The following KCNIP2 variants were observed in gnomAD, a reference collection of about 807,000 sequenced individuals.
The protein encoded by KCNIP2 is potassium voltage-gated channel interacting protein 2.
Under a neutral mutation model 39.0 loss-of-function variants are expected in KCNIP2, and 19 were observed. The ratio of observed to expected loss-of-function variants is 0.49; its 90% confidence interval spans 0.34 to 0.71. The LOEUF (loss-of-function observed/expected upper bound fraction) is 0.71. KCNIP2 is among the 30% of genes least tolerant of loss of function. KCNIP2 has a pLI of 0.01. For synonymous variants in KCNIP2, 111 were observed against 131.2 expected (o/e 0.85, Z 1.05); for missense variants, 261 against 346.0 (o/e 0.75, Z 1.95).
intron 3 of KCNIP2, 121 bp downstream of exon 3, chr10:101,829,723 A>AACCC: frequency 3.3e-5 from 1 of 30,258 alleles, no homozygotes; most frequent in South Asian, 8.5e-4. Flanking sequence ...TCCAGACCCC[A>AACCC]CCCCCGGCCC....
At chr10:101,839,644 T>G in intron 1 of KCNIP2, 1 of 989,842 alleles carries the variant, frequency 1.0e-6, no homozygotes, top group South Asian at 1.3e-5. Flanking sequence ...GGGATGTTGC[T>G]CCCTCCATCT....
chr10:101,839,184 A>G (rs2066246913), intron 1 of KCNIP2, among the ~76,000 whole-genome samples: 2 of 152,178 alleles, frequency 1.3e-5, no homozygotes, highest in South Asian at 4.1e-4. Flanking sequence ...ACAACTTAGT[A>G]ATGCACAATC....
chr10:101,829,253 T>C, intron 3 of KCNIP2, 54 bp from the exon 4 acceptor site: 1 of 1,550,644 alleles, frequency 6.4e-7, no homozygotes. Context: ...GCGACCCCTC[T>C]TCAAATCACT....
At position 101,829,843 on chromosome 10, in the gene KCNIP2, C is replaced by A; in HGVS notation, c.223+1G>T. 1 of 1,471,576 alleles carries A rather than the reference C, an allele frequency of 6.8e-7. No individual in the cohort carries two copies. Among genetic ancestry groups the A allele is most frequent in the Non-Finnish European group, 8.9e-7 (1 of 1,118,860 alleles). The allele number at this position is 1,471,576 out of a possible 1,614,324, so 91.2% of individuals were successfully genotyped here. ...CCGCCCCCACCAGGAGCGTAAGTCA[C>A]CTGGGTCCAGCAGGCGGGGTCTGTG... On this transcript the variant is annotated splice_donor_variant, in intron 3 of 9. Coordinates refer to ENST00000356640, the MANE Select transcript of KCNIP2 (RefSeq NM_173191.3). LOFTEE classifies it high-confidence loss of function.
chr10:101,826,925 G>A lies in KCNIP2; in HGVS notation c.*428C>T, dbSNP rs1299715323. Reference sequence around the variant, plus strand: ...CCACAGGGCTCTCAATGGCTGGTCTGAGAAGCCAGCCAGTGCCAAGAATGG... The same window carrying A: ...CCACAGGGCTCTCAATGGCTGGTCTAAGAAGCCAGCCAGTGCCAAGAATGG... On this transcript the variant is annotated 3_prime_UTR_variant, in exon 10 of 10. Transcript: ENST00000356640. 1.3e-5 allele frequency: 2 copies of A among 159,510 alleles called. No individual in the cohort carries two copies. Among genetic ancestry groups the A allele is most frequent in the East Asian group, 1.8e-4 (1 of 5,426 alleles). 9.9% of individuals were successfully genotyped at this position (159,510 alleles called of 1,614,324 possible). A position where few individuals can be genotyped will look rare whatever the true frequency, so the allele number is the denominator to read the frequency against.
intron 1 of KCNIP2, among the ~76,000 whole-genome samples, chr10:101,833,294 C>G (rs1247431175): frequency 6.6e-6 from 1 of 152,110 alleles, no homozygotes; most frequent in Non-Finnish European, 1.5e-5. Context: ...CCCAATATTA[C>G]TCTCCCTACT....
intron 2 of KCNIP2, among the ~76,000 whole-genome samples, 181 bp downstream of exon 2, chr10:101,830,891 C>A (rs1323355319): frequency 4.0e-5 from 6 of 149,534 alleles, no homozygotes; most frequent in African/African-American, 1.5e-4. Context: ...CACACATACA[C>A]ACGCACAGGC....
Position 101,828,507 on chromosome 10 carries a change from C to A in KCNIP2, c.419-48G>T. On this transcript the variant is annotated intron_variant, in intron 5 of 9. Coordinates refer to ENST00000356640, the MANE Select transcript of KCNIP2 (RefSeq NM_173191.3). The surrounding 1 kb of genome is among the most constrained non-coding windows in gnomAD (Gnocchi z 6.6). ...TTGGCTTCCACACAGGAGAGGACTT[C>A]CTCCCTCTAAGGAGCTCCCCATACC... 1 of 1,606,282 alleles carries A rather than the reference C, an allele frequency of 6.2e-7. No homozygotes were observed. Among genetic ancestry groups the A allele is most frequent in the Non-Finnish European group, 8.5e-7 (1 of 1,173,844 alleles).
rs543601111 is a variant in KCNIP2, at chr10:101,839,665, C to T, written c.73+3831G>A. On this transcript the variant is annotated intron_variant, in intron 1 of 9. Coordinates refer to ENST00000356640, the MANE Select transcript of KCNIP2 (RefSeq NM_173191.3). ...TTGCTCCCTCCATCTATTTGAGGGG[C>T]CCTTCCCTCCCTACCTCTGCGGAGC... is the stretch of plus-strand genomic sequence containing the variant. 295 of 1,184,036 alleles carry T rather than the reference C, an allele frequency of 2.5e-4. 3 individuals carry two copies. In the South Asian group the frequency reaches 3.5e-3, roughly 14 times the overall value. 73.3% of individuals were successfully genotyped at this position (1,184,036 alleles called of 1,614,324 possible). A position where few individuals can be genotyped will look rare whatever the true frequency, so the allele number is the denominator to read the frequency against.
At chr10:101,841,797 G>A (rs965573530) in intron 1 of KCNIP2, among the ~76,000 whole-genome samples, 1 of 152,198 alleles carries the variant, frequency 6.6e-6, no homozygotes, top group African/African-American at 2.4e-5. Context: ...GTTTCACTAA[G>A]GGTGAGAACC....
rs958593495 is a variant in KCNIP2, at chr10:101,843,202, CACAG to C, written c.73+290_73+293del. Among the ~76,000 whole-genome samples the C allele has an allele frequency of 1.3e-5, 2 of 152,230 alleles. No individual in the cohort carries two copies. Among genetic ancestry groups the C allele is most frequent in the African/African-American group, 2.4e-5 (1 of 41,436 alleles). ...GTGCGCGCGCACACACACACACACACACAGAATGACAGGTGCTCACGCACGTAAC... is the reference window on the plus strand; with the variant it reads ...GTGCGCGCGCACACACACACACACACAATGACAGGTGCTCACGCACGTAAC... On this transcript the variant is annotated intron_variant, in intron 1 of 9. Transcript: ENST00000356640. This position sits in a 1 kb window ranked among gnomAD's most constrained non-coding sequence, Gnocchi z 6.7.
intron 1 of KCNIP2, among the ~76,000 whole-genome samples, chr10:101,841,320 G>C (rs1465202849): frequency 3.9e-5 from 6 of 152,212 alleles, no homozygotes; most frequent in Non-Finnish European, 8.8e-5. Flanking sequence ...GAAGCCTGGC[G>C]CGCGCTTCAG....
intron 1 of KCNIP2, among the ~76,000 whole-genome samples, chr10:101,841,175 G>A (rs2066326008): frequency 6.6e-6 from 1 of 152,214 alleles, no homozygotes; most frequent in South Asian, 2.1e-4. Context: ...GAAGTAAAAT[G>A]TTCGGAGGTA....
intron 1 of KCNIP2, among the ~76,000 whole-genome samples, chr10:101,837,172 C>T (rs1351086248): frequency 6.6e-6 from 1 of 152,142 alleles, no homozygotes; most frequent in African/African-American, 2.4e-5. Context: ...GGATACTTTA[C>T]ATGTAGTATC....
Position 101,828,442 on chromosome 10 carries a change from T to A in KCNIP2, c.436A>T (p.Thr146Ser). The change falls in exon 6 of 10, where the codon ACT becomes TCT. Residue 146 changes from threonine to serine, a missense_variant. Physicochemically the swap from Thr to Ser is moderately conservative, Grantham distance 58. Coordinates refer to ENST00000356640, the MANE Select transcript of KCNIP2 (RefSeq NM_173191.3). This position sits in a 1 kb window ranked among gnomAD's most constrained non-coding sequence, Gnocchi z 6.6. ...FPQGDSSTYA[T>S]FLFNAFDTNH... ...GTGTCAAAGGCATTGAAGAGAAAAG[T>A]GGCATAGGTGCTGGAGTCTGCAGGG... 1 of 1,614,034 alleles carries A rather than the reference T, an allele frequency of 6.2e-7. No individual in the cohort carries two copies. Among genetic ancestry groups the A allele is most frequent in the Non-Finnish European group, 8.5e-7 (1 of 1,180,004 alleles).
At chr10:101,834,140 T>A in intron 1 of KCNIP2, 1 of 396,174 alleles carries the variant, frequency 2.5e-6, no homozygotes, top group Middle Eastern at 6.3e-4. Flanking sequence ...ACCTCCCAGA[T>A]CCCTGTGCCA....
chr10:101,841,087 C>A (rs2066322078), intron 1 of KCNIP2, among the ~76,000 whole-genome samples: 1 of 152,212 alleles, frequency 6.6e-6, no homozygotes, highest in African/African-American at 2.4e-5. Context: ...CCGGGCGGGG[C>A]TCGGACTGTT....
chr10:101,835,291 T>G (rs1185582278), intron 1 of KCNIP2, among the ~76,000 whole-genome samples: 2 of 152,026 alleles, frequency 1.3e-5, no homozygotes, highest in African/African-American at 4.8e-5. Context: ...AGGGAAGCAC[T>G]CTCTTCCCAC....
intron 2 of KCNIP2, 163 bp from the exon 3 acceptor site, chr10:101,830,060 G>C (rs2065913038): frequency 1.2e-6 from 1 of 802,820 alleles, no homozygotes; most frequent in Non-Finnish European, 2.0e-6. Flanking sequence ...ACAAGCTTGC[G>C]GGACTCACGC....
Sources: allele counts gnomAD v4.1 joint callset (sites outside exome capture counted in the v4.1 genomes callset), GRCh38; gene constraint gnomAD v4.1.1; non-coding constraint Gnocchi (gnomAD v3.1); transcripts MANE v1.5; gene names NCBI Gene and HGNC (gene_info 2026-07-23, HGNC 2026-07-21).